The following ACOXL variants were observed in gnomAD, a reference collection of about 807,000 sequenced individuals.
ACOXL encodes the protein acyl-CoA oxidase like, also known as acyl-coenzyme A oxidase-like protein.
In ACOXL, 70 loss-of-function variants were observed where a neutral mutation model predicts 71.9. That is an observed-to-expected ratio of 0.97 (90% CI 0.80 to 1.19). The LOEUF (loss-of-function observed/expected upper bound fraction) is 1.19, where lower values mean the gene tolerates loss of function less well. Ranked by LOEUF, ACOXL falls within the 50% of genes most tolerant of loss-of-function variation. ACOXL has a pLI of 0.00. For synonymous variants in ACOXL, 253 were observed against 281.6 expected, an observed-to-expected ratio of 0.90 and a Z score of 1.02; for missense variants, 703 against 736.3, an observed-to-expected ratio of 0.95 and a Z score of 0.52.
intron 16 of ACOXL, among the ~76,000 whole-genome samples, chr2:111,060,008 C>T (rs1415929825): frequency 2.6e-5 from 4 of 152,060 alleles, no homozygotes; most frequent in Non-Finnish European, 5.9e-5. Context: ...AATATGTGGT[C>T]CCACCTTCAC....
intron 3 of ACOXL, among the ~76,000 whole-genome samples, chr2:110,785,361 T>C (rs1683826230): frequency 7.0e-6 from 1 of 142,316 alleles, no homozygotes; most frequent in African/African-American, 2.5e-5. Context: ...AGTTTTTACA[T>C]GCACTCAGTT....
At chr2:111,003,609 G>A (rs536316853) in intron 14 of ACOXL, among the ~76,000 whole-genome samples, 3 of 135,882 alleles carry the variant, frequency 2.2e-5, no homozygotes, top group African/African-American at 5.4e-5. Context: ...TACCACTTCC[G>A]AGCTTCAGTT....
chr2:111,078,252 T>C (rs539971478), intron 16 of ACOXL, among the ~76,000 whole-genome samples: 25 of 152,248 alleles, frequency 1.6e-4, no homozygotes, highest in Non-Finnish European at 2.8e-4. Flanking sequence ...GATTCTCTTT[T>C]ATGTTTTATA....
rs142926359 is a variant in ACOXL, at chr2:111,105,987, T to C, written c.1543-11629T>C. ...ATGCTATTTATGATGTGCCTTTGAA[T>C]AAATTTCTTTGGATTTATGCTGTTT... On this transcript the variant is annotated intron_variant, in intron 17 of 17. Transcript: ENST00000439055. 6.6e-4 allele frequency among the ~76,000 whole-genome samples: 100 copies of C among 152,344 alleles called. No individual in the cohort carries two copies. In the Middle Eastern group the frequency reaches 0.02, roughly 31 times the overall value.
At chr2:110,876,231 G>A (rs767948255) in intron 10 of ACOXL, among the ~76,000 whole-genome samples, 2 of 152,208 alleles carry the variant, frequency 1.3e-5, no homozygotes, top group African/African-American at 2.4e-5. Context: ...CAACTCCAGC[G>A]TGGCAGGTTT....
intron 10 of ACOXL, among the ~76,000 whole-genome samples, chr2:110,873,854 A>G (rs1381195236): frequency 6.6e-6 from 1 of 152,240 alleles, no homozygotes; most frequent in African/African-American, 2.4e-5. Flanking sequence ...GGGCCACCCC[A>G]GGTTTTGAGA....
At chr2:110,985,403 TA>T (rs2062886462) in intron 12 of ACOXL, among the ~76,000 whole-genome samples, 1 of 152,186 alleles carries the variant, frequency 6.6e-6, no homozygotes. Flanking sequence ...ACGGATCACA[TA>T]ACCTATCTAG....
chr2:110,844,414 G>T (rs1171927638), intron 10 of ACOXL, among the ~76,000 whole-genome samples: 2 of 152,160 alleles, frequency 1.3e-5, no homozygotes, highest in African/African-American at 4.8e-5. Flanking sequence ...CAGAATTGAT[G>T]ACACTTCACG....
At chr2:110,793,759 G>T (rs1201040799) in intron 4 of ACOXL, 23 bp downstream of exon 4, 28 of 1,583,356 alleles carry the variant, frequency 1.8e-5, no homozygotes, top group Non-Finnish European at 2.3e-5. Context: ...CCTCAACATT[G>T]GTCTTCTATG....
chr2:110,987,907 C>G (rs2063001665), intron 13 of ACOXL, among the ~76,000 whole-genome samples: 1 of 152,088 alleles, frequency 6.6e-6, no homozygotes, highest in African/African-American at 2.4e-5. Context: ...AAACCCTGTA[C>G]ATGTTTTCTG....
intron 1 of ACOXL, among the ~76,000 whole-genome samples, chr2:110,764,812 A>T (rs1209382588): frequency 6.6e-6 from 1 of 152,176 alleles, no homozygotes; most frequent in Non-Finnish European, 1.5e-5. Flanking sequence ...AAACTGCTCT[A>T]AAAAAGTCTA....
At chr2:110,809,716 A>C (rs1687083728) in intron 9 of ACOXL, among the ~76,000 whole-genome samples, 1 of 152,078 alleles carries the variant, frequency 6.6e-6, no homozygotes, top group Non-Finnish European at 1.5e-5. Context: ...CCCTTTTGTG[A>C]CCTTCTGACT....
intron 12 of ACOXL, chr2:110,963,575 GTGTGT>G (rs1428245859): frequency 5.8e-6 from 6 of 1,029,178 alleles, no homozygotes; most frequent in Non-Finnish European, 6.7e-6. Context: ...ATGTGTGTGT[GTGTGT>G]GTGTGTGTGT....
chr2:110,834,401 A>G (rs1286767025), intron 9 of ACOXL, among the ~76,000 whole-genome samples: 1 of 152,204 alleles, frequency 6.6e-6, no homozygotes, highest in Non-Finnish European at 1.5e-5. Context: ...AAGAGAAGCA[A>G]AGGAACTAGA....
chr2:110,988,008 A>G (rs1421860024), intron 13 of ACOXL, among the ~76,000 whole-genome samples: 1 of 152,262 alleles, frequency 6.6e-6, no homozygotes, highest in Non-Finnish European at 1.5e-5. Flanking sequence ...ATGGACACCC[A>G]TATATCCATA....
intron 10 of ACOXL, among the ~76,000 whole-genome samples, chr2:110,850,271 A>G (rs1004120272): frequency 6.6e-6 from 1 of 152,230 alleles, no homozygotes; most frequent in Non-Finnish European, 1.5e-5. Context: ...GATTTTATCA[A>G]AATTAAAAAC....
intron 16 of ACOXL, among the ~76,000 whole-genome samples, chr2:111,084,719 A>G (rs999801988): frequency 6.6e-6 from 1 of 152,140 alleles, no homozygotes; most frequent in African/African-American, 2.4e-5. Flanking sequence ...CACACATATC[A>G]ATACTAACCT....
At chr2:110,963,110 G>A (rs921719385) in intron 12 of ACOXL, among the ~76,000 whole-genome samples, 2 of 152,246 alleles carry the variant, frequency 1.3e-5, no homozygotes, top group African/African-American at 4.8e-5. Context: ...AAAAAATACT[G>A]GAGTGAGAAT....
chr2:110,916,606 T>A (rs2059869671), intron 11 of ACOXL, among the ~76,000 whole-genome samples: 1 of 151,962 alleles, frequency 6.6e-6, no homozygotes, highest in Non-Finnish European at 1.5e-5. Flanking sequence ...CTTTAAAAAA[T>A]CAGTGAATCC....
Sources: gnomAD v4.1 joint callset for allele counts (sites outside exome capture counted in the v4.1 genomes callset) on GRCh38, gnomAD v4.1.1 for gene constraint, MANE v1.5 for transcripts, NCBI Gene and HGNC (gene_info 2026-07-23, HGNC 2026-07-21) for gene names.